Variants in CNPY3 observed in about 807,000 individuals in gnomAD.
CNPY3 encodes the protein canopy FGF signaling regulator 3.
CNPY3 carries 20 observed loss-of-function variants against 32.0 expected under a neutral mutation model. The observed-to-expected ratio is 0.63, with a 90% CI of 0.44 to 0.91. The LOEUF is 0.91. CNPY3 is among the 40% of genes least tolerant of loss of function. The pLI is 0.00. For missense variants in CNPY3, 299 were observed against 340.8 expected, an observed-to-expected ratio of 0.88 and a Z score of 0.97; for synonymous variants, 138 against 142.9, an observed-to-expected ratio of 0.97 and a Z score of 0.24.
At chr6:42,932,967 G>T (rs1319185537) in intron 1 of CNPY3, among the ~76,000 whole-genome samples, 9 of 152,038 alleles carry the variant, frequency 5.9e-5, no homozygotes, top group Non-Finnish European at 1.3e-4. Context: ...AAGATTTATC[G>T]AGCGTCCAGC....
chr6:42,939,253 T>C lies in CNPY3; in HGVS notation c.*462T>C. On this transcript the variant is annotated 3_prime_UTR_variant, in exon 6 of 6. Transcript: ENST00000372836. ...CCCAGAGCCCAAAGAGTAAAAATGT[T>C]CTGGTTCTGATTTCTGAGTCCTCTG... The C allele has an allele frequency of 1.0e-6, 1 of 988,186 alleles. No individual in the cohort carries two copies. Among genetic ancestry groups the C allele is most frequent in the Admixed American group, 6.1e-5 (1 of 16,372 alleles). The allele number at this position is 988,186 out of a possible 1,614,324, so 61.2% of individuals were successfully genotyped here. A position where few individuals can be genotyped will look rare whatever the true frequency, so the allele number is the denominator to read the frequency against.
chr6:42,929,450 C>A, upstream of CNPY3: 1 of 1,058,672 alleles, frequency 9.4e-7, no homozygotes, highest in Non-Finnish European at 1.3e-6. Context: ...GGGAGGCTAG[C>A]TGTTGTCGTG....
chr6:42,934,672 C>T, intron 2 of CNPY3, 74 bp downstream of exon 2: 1 of 1,594,188 alleles, frequency 6.3e-7, no homozygotes, highest in South Asian at 1.1e-5. Context: ...TTCCCTTCTC[C>T]TAGCTAGGCA....
intron 1 of CNPY3, among the ~76,000 whole-genome samples, chr6:42,930,538 CAG>C (rs144576503): frequency 2.1e-4 from 31 of 149,560 alleles, no homozygotes; most frequent in Non-Finnish European, 2.1e-4. Context: ...TGAGGAACTA[CAG>C]AGAGAGAGAG....
chr6:42,935,535 A>G (rs1768155845), intron 2 of CNPY3, 39 bp from the exon 3 acceptor site: 1 of 1,590,460 alleles, frequency 6.3e-7, no homozygotes. Flanking sequence ...CACTGCGGCT[A>G]GGAGGGGAAC....
rs755113974 is a variant in CNPY3, at chr6:42,929,544, C to T, written c.-27C>T. 2.6e-6 allele frequency: 4 copies of T among 1,554,040 alleles called. No homozygotes were observed. The highest frequency in any genetic ancestry group is 3.5e-6 in the Non-Finnish European group (4 of 1,148,530). On this transcript the variant is annotated 5_prime_UTR_variant, in exon 1 of 6. Coordinates refer to ENST00000372836, the MANE Select transcript of CNPY3 (RefSeq NM_006586.5). ...GCCGCGGGAGGAGGAACCGCCCGGT[C>T]CTTTAGGGTCCGGGCCCGGCCGGGC...
At chr6:42,937,085 C>T (rs1260614930) in intron 3 of CNPY3, among the ~76,000 whole-genome samples, 1 of 152,086 alleles carries the variant, frequency 6.6e-6, no homozygotes, top group African/African-American at 2.4e-5. Context: ...AAGACACAAC[C>T]CAGGAAGAAC....
At chr6:42,936,278 C>T (rs1768227930) in intron 3 of CNPY3, among the ~76,000 whole-genome samples, 1 of 148,476 alleles carries the variant, frequency 6.7e-6, no homozygotes, top group African/African-American at 2.6e-5. Flanking sequence ...TCATAAACTC[C>T]TGGGATACCT....
chr6:42,930,011 G>A (rs1032334396), intron 1 of CNPY3, among the ~76,000 whole-genome samples: 16 of 152,014 alleles, frequency 1.1e-4, no homozygotes, highest in African/African-American at 3.9e-4. Flanking sequence ...GGTCTAGCCT[G>A]GAGTGGGGGA....
intron 1 of CNPY3, among the ~76,000 whole-genome samples, chr6:42,931,625 T>G (rs1226092580): frequency 6.6e-6 from 1 of 151,990 alleles, no homozygotes; most frequent in Non-Finnish European, 1.5e-5. Flanking sequence ...CCTCCCAAAG[T>G]GCTGGGATTA....
upstream of CNPY3, among the ~76,000 whole-genome samples, chr6:42,928,755 T>C (rs1359599569): frequency 6.6e-6 from 1 of 152,170 alleles, no homozygotes; most frequent in Non-Finnish European, 1.5e-5. Flanking sequence ...TGGGATTACA[T>C]ACAAAAAGAA....
At position 42,934,505 on chromosome 6, in the gene CNPY3, C is replaced by A; in HGVS notation, c.182C>A (p.Ser61Ter). The part of the protein sequence containing the change: ...VCKYVAVELK[S>*]AFEETGKTKE... ...AAATATGTTGCTGTGGAGCTGAAGTCAGCCTTTGAGGAAACCGGCAAGACC... is the reference window on the plus strand; with the variant it reads ...AAATATGTTGCTGTGGAGCTGAAGTAAGCCTTTGAGGAAACCGGCAAGACC... The change falls in exon 2 of 6, where the codon TCA (serine) becomes TAA (stop). Residue 61 changes from serine (S) to a stop codon, truncating the protein, a stop_gained. Transcript: ENST00000372836. LOFTEE classifies it high-confidence loss of function. 6.2e-7 allele frequency: 1 copy of A among 1,614,090 alleles called. No homozygotes were observed. Among genetic ancestry groups the A allele is most frequent in the South Asian group, 1.1e-5 (1 of 91,062 alleles).
chr6:42,934,463 TC>T lies in CNPY3; in HGVS notation c.152-9del. 6.2e-7 allele frequency: 1 copy of T among 1,613,812 alleles called. No homozygotes were observed. The highest frequency in any genetic ancestry group is 8.5e-7 in the Non-Finnish European group (1 of 1,179,852). ...TGTGCACTCAGTGGGCTGTGCTACC[TC>T]CCTCCCCCAGTGTGTAAATATGTTG... On this transcript the variant is annotated splice_polypyrimidine_tract_variant and intron_variant, in intron 1 of 5. Coordinates refer to ENST00000372836, the MANE Select transcript of CNPY3 (RefSeq NM_006586.5).
intron 1 of CNPY3, among the ~76,000 whole-genome samples, chr6:42,932,611 G>A (rs531302217): frequency 1.3e-5 from 2 of 152,336 alleles, no homozygotes; most frequent in African/African-American, 4.8e-5. Flanking sequence ...TGGGGAGGGC[G>A]TGGGAGGAGG....
chr6:42,938,510 G>T, intron 5 of CNPY3, 58 bp from the exon 6 acceptor site: 4 of 1,488,598 alleles, frequency 2.7e-6, no homozygotes, highest in Non-Finnish European at 2.7e-6. Context: ...AGTGCTCCTT[G>T]CCCAGCACCC....
In CNPY3 at chr6:42,938,078, TATG is replaced by T; in HGVS notation, c.496-9_496-7del. 6 of 1,608,356 alleles carry T rather than the reference TATG, an allele frequency of 3.7e-6. No homozygotes were observed. Among genetic ancestry groups the T allele is most frequent in the Non-Finnish European group, 5.1e-6 (6 of 1,174,836 alleles). On this transcript the variant is annotated splice_polypyrimidine_tract_variant and intron_variant, in intron 4 of 5. Coordinates refer to ENST00000372836, the MANE Select transcript of CNPY3 (RefSeq NM_006586.5). Reference sequence around the variant, plus strand: ...CTGGGGCTTTGCCAATATGAGGTATTATGATTAACAGTGTGATGTGCTGGTGGA... The same window carrying T: ...CTGGGGCTTTGCCAATATGAGGTATTATTAACAGTGTGATGTGCTGGTGGA...
intron 1 of CNPY3, among the ~76,000 whole-genome samples, chr6:42,932,967 G>A (rs1319185537): frequency 2.6e-5 from 4 of 152,038 alleles, no homozygotes; most frequent in Non-Finnish European, 4.4e-5. Flanking sequence ...AAGATTTATC[G>A]AGCGTCCAGC....
intron 1 of CNPY3, 44 bp downstream of exon 1, chr6:42,929,765 G>C (rs1160491618): frequency 7.2e-6 from 11 of 1,518,088 alleles, no homozygotes; most frequent in Non-Finnish European, 9.7e-6. Flanking sequence ...CGGAGGGGCT[G>C]GCTCCAGCGG....
At chr6:42,938,473 A>G (rs1484785437) in intron 5 of CNPY3, 95 bp from the exon 6 acceptor site, 8 of 1,196,434 alleles carry the variant, frequency 6.7e-6, no homozygotes, top group Non-Finnish European at 9.4e-6. Context: ...GCACAGTCCC[A>G]GTTGCTACTC....
Sources: gnomAD v4.1 joint callset for allele counts (sites outside exome capture counted in the v4.1 genomes callset) on GRCh38, gnomAD v4.1.1 for gene constraint, MANE v1.5 for transcripts, NCBI Gene and HGNC (gene_info 2026-07-23, HGNC 2026-07-21) for gene names.